NPAS3: variants seen among roughly 807,000 people sequenced by gnomAD.
The protein encoded by NPAS3 is neuronal PAS domain-containing protein 3.
A neutral mutation model predicts 73.1 loss-of-function variants in NPAS3; 14 were observed. The ratio of observed to expected loss-of-function variants is 0.19; its 90% CI spans 0.13 to 0.30. NPAS3 has a LOEUF of 0.30. Among genes scored for constraint, NPAS3 ranks in the 10% least tolerant of loss-of-function variants. The pLI, the probability that NPAS3 is intolerant of heterozygous loss-of-function variation, is 1.00. For missense variants in NPAS3, 1,096 were observed against 1,250.0 expected, an observed-to-expected ratio of 0.88 and a Z score of 1.86; for synonymous variants, 620 against 541.5, an observed-to-expected ratio of 1.14 and a Z score of -2.01.
At chr14:33,482,059 T>G (rs1286887971) in intron 4 of NPAS3, among the ~76,000 whole-genome samples, 1 of 151,626 alleles carries the variant, frequency 6.6e-6, no homozygotes, top group Non-Finnish European at 1.5e-5. Context: ...GCAAGTTTTT[T>G]TTTTTTTTTT....
chr14:33,029,934 G>A (rs149719084), intron 1 of NPAS3, among the ~76,000 whole-genome samples: 71 of 152,276 alleles, frequency 4.7e-4, no homozygotes, highest in African/African-American at 1.6e-3. Flanking sequence ...TTTAATAGTG[G>A]CAGAATTACA....
At chr14:33,157,178 CAA>C (rs1458108873) in intron 2 of NPAS3, among the ~76,000 whole-genome samples, 2 of 152,140 alleles carry the variant, frequency 1.3e-5, no homozygotes, top group Non-Finnish European at 2.9e-5. Context: ...ATTGAGCAAA[CAA>C]AAGTTTGTTA....
Position 33,800,906 on chromosome 14 carries a change from A to G in NPAS3, c.2599A>G (p.Thr867Ala). 1 of 1,608,462 alleles carries G rather than the reference A, an allele frequency of 6.2e-7. No individual in the cohort carries two copies. Among genetic ancestry groups the G allele is most frequent in the African/African-American group, 1.3e-5 (1 of 74,846 alleles). The change falls in exon 12 of 12, where the codon ACG becomes GCG. Residue 867 changes from threonine (T) to alanine (A), a missense_variant. Coordinates refer to ENST00000356141, the Ensembl canonical transcript of NPAS3. The surrounding 1 kb of genome is among the most constrained non-coding windows in gnomAD (Gnocchi z 6.5). ...CCCCGGCTTTGGCCTCGACCCCAAG[A>G]CGCCCATGGAGATGCTCTACCACCA...
intron 2 of NPAS3, among the ~76,000 whole-genome samples, chr14:33,129,494 A>G (rs939551595): frequency 1.3e-5 from 2 of 152,106 alleles, no homozygotes; most frequent in African/African-American, 4.8e-5. Context: ...TCATTTTTAT[A>G]CTCACTGAAA....
At chr14:33,129,502 A>T (rs1189096111) in intron 2 of NPAS3, among the ~76,000 whole-genome samples, 19 of 152,162 alleles carry the variant, frequency 1.2e-4, no homozygotes, top group Non-Finnish European at 2.8e-4. Flanking sequence ...ATACTCACTG[A>T]AACATTAAAG....
intron 5 of NPAS3, among the ~76,000 whole-genome samples, chr14:33,654,744 T>C: frequency 6.6e-6 from 1 of 152,190 alleles, no homozygotes; most frequent in East Asian, 1.9e-4. Flanking sequence ...GGGGCTTCTT[T>C]CAACACTGGA....
chr14:33,135,452 A>G (rs994719561), intron 2 of NPAS3, among the ~76,000 whole-genome samples: 8 of 152,204 alleles, frequency 5.3e-5, no homozygotes, highest in African/African-American at 1.9e-4. Context: ...ATTTTTATTA[A>G]AAATAAGACA....
At chr14:33,472,070 A>T (rs1266098752) in intron 4 of NPAS3, among the ~76,000 whole-genome samples, 1 of 152,224 alleles carries the variant, frequency 6.6e-6, no homozygotes, top group Non-Finnish European at 1.5e-5. Flanking sequence ...GGAGGAGAGA[A>T]CAAGCAAGTA....
chr14:33,763,092 T>A (rs1263570480), intron 7 of NPAS3, among the ~76,000 whole-genome samples: 2 of 152,196 alleles, frequency 1.3e-5, no homozygotes, highest in Non-Finnish European at 2.9e-5. Flanking sequence ...ACATTTCACC[T>A]GACCAGACCT....
At chr14:33,177,357 A>G (rs2045631980) in intron 2 of NPAS3, among the ~76,000 whole-genome samples, 3 of 151,898 alleles carry the variant, frequency 2.0e-5, no homozygotes, top group African/African-American at 7.3e-5. Flanking sequence ...CGGCCTCCCA[A>G]AGAGCTGGGT....
chr14:33,786,923 A>T (rs78499552), intron 9 of NPAS3, among the ~76,000 whole-genome samples: 1 of 150,650 alleles, frequency 6.6e-6, no homozygotes, highest in Non-Finnish European at 1.5e-5. Context: ...AGTGACTAGC[A>T]CAGAGTAGGC....
chr14:33,291,120 T>A (rs902871243), intron 3 of NPAS3, among the ~76,000 whole-genome samples: 18 of 152,112 alleles, frequency 1.2e-4, no homozygotes. Context: ...AATTGTAGGT[T>A]CAATTCACCC....
At chr14:33,378,687 C>T (rs1441364035) in intron 4 of NPAS3, among the ~76,000 whole-genome samples, 1 of 152,070 alleles carries the variant, frequency 6.6e-6, no homozygotes, top group Non-Finnish European at 1.5e-5. Context: ...TGGAAGTCCC[C>T]TGAGGGTCTT....
intron 4 of NPAS3, among the ~76,000 whole-genome samples, chr14:33,436,415 TTGGACATATTA>T (rs1448051805): frequency 6.6e-6 from 1 of 152,186 alleles, no homozygotes; most frequent in Non-Finnish European, 1.5e-5. Context: ...CGTTAATATT[TTGGACATATTA>T]ACTGCTTATT....
intron 5 of NPAS3, among the ~76,000 whole-genome samples, chr14:33,561,460 G>A (rs1358393582): frequency 6.6e-6 from 1 of 152,210 alleles, no homozygotes; most frequent in African/African-American, 2.4e-5. Context: ...CAGCTATAGT[G>A]TGTGGAGTAA....
intron 5 of NPAS3, among the ~76,000 whole-genome samples, chr14:33,562,899 GCA>G (rs56063953): frequency 3.6e-4 from 54 of 149,820 alleles, no homozygotes; most frequent in African/African-American, 1.2e-3. Context: ...TCTTTTATGA[GCA>G]CACACACACA....
At chr14:33,609,970 C>T (rs1237020894) in intron 5 of NPAS3, among the ~76,000 whole-genome samples, 1 of 151,876 alleles carries the variant, frequency 6.6e-6, no homozygotes, top group Non-Finnish European at 1.5e-5. Flanking sequence ...TGTAGTGTTA[C>T]CTAAAGAGAA....
intron 4 of NPAS3, among the ~76,000 whole-genome samples, chr14:33,443,373 A>G (rs921671691): frequency 6.6e-6 from 1 of 152,104 alleles, no homozygotes; most frequent in Non-Finnish European, 1.5e-5. Context: ...TCTTAATTTC[A>G]TATTTAATAA....
intron 4 of NPAS3, among the ~76,000 whole-genome samples, chr14:33,454,756 C>G (rs554962965): frequency 1.3e-5 from 2 of 152,276 alleles, no homozygotes; most frequent in South Asian, 4.1e-4. Context: ...TCAACTATTA[C>G]TGATTCTGCC....
Sources: allele counts gnomAD v4.1 joint callset (sites outside exome capture counted in the v4.1 genomes callset), GRCh38; gene constraint gnomAD v4.1.1; non-coding constraint Gnocchi (gnomAD v3.1); transcripts MANE v1.5; gene names NCBI Gene and HGNC (gene_info 2026-07-23, HGNC 2026-07-21).